ZNF451: variants seen among roughly 807,000 people sequenced by gnomAD.
ZNF451 encodes the protein zinc finger protein 451.
ZNF451 carries 80 observed loss-of-function variants against 107.1 expected under a neutral mutation model. The ratio of observed to expected loss-of-function variants is 0.75; its 90% CI spans 0.62 to 0.90. ZNF451 has a LOEUF of 0.90. ZNF451 is among the 40% of genes least tolerant of loss of function. ZNF451 has a pLI of 0.00. For synonymous variants in ZNF451, 362 were observed against 406.5 expected (o/e 0.89, Z 1.32); for missense variants, 1,107 against 1,236.2 (o/e 0.90, Z 1.57).
intron 3 of ZNF451, among the ~76,000 whole-genome samples, chr6:57,117,149 A>C (rs902764261): frequency 6.6e-6 from 1 of 152,154 alleles, no homozygotes; most frequent in Admixed American, 6.5e-5. Flanking sequence ...AGTGTCCTTT[A>C]TCTGAAATGC....
At chr6:57,104,611 A>T (rs1326837703) in intron 3 of ZNF451, 1 of 985,236 alleles carries the variant, frequency 1.0e-6, no homozygotes, top group South Asian at 4.7e-5. Context: ...GTTAAAAAAA[A>T]AGAAAAAAAA....
chr6:57,103,353 A>G, intron 3 of ZNF451: 1 of 985,416 alleles, frequency 1.0e-6, no homozygotes, highest in Non-Finnish European at 1.2e-6. Flanking sequence ...GATTTAAGTG[A>G]TACGCTCTTG....
At chr6:57,158,707 A>G (rs1445880594) in intron 13 of ZNF451, 1 of 985,334 alleles carries the variant, frequency 1.0e-6, no homozygotes, top group African/African-American at 1.7e-5. Context: ...TATTTGGGCC[A>G]GTATCTGCTC....
chr6:57,126,801 G>C (rs1830951149), intron 4 of ZNF451, among the ~76,000 whole-genome samples: 1 of 152,042 alleles, frequency 6.6e-6, no homozygotes, highest in African/African-American at 2.4e-5. Context: ...AAAAAGGGTG[G>C]CTAATTTTAG....
At chr6:57,149,369 A>T (rs1832239592) in intron 10 of ZNF451, among the ~76,000 whole-genome samples, 1 of 152,050 alleles carries the variant, frequency 6.6e-6, no homozygotes, top group Non-Finnish European at 1.5e-5. Flanking sequence ...TAGAAGTATA[A>T]TTTGTTTTTG....
intron 3 of ZNF451, chr6:57,101,149 G>A (rs1035635406): frequency 1.7e-5 from 27 of 1,550,594 alleles, no homozygotes; most frequent in Non-Finnish European, 2.3e-5. Flanking sequence ...ACCATCAGCT[G>A]ATGACAAAGG....
chr6:57,139,877 T>C (rs1028012372), intron 7 of ZNF451, among the ~76,000 whole-genome samples: 1 of 151,922 alleles, frequency 6.6e-6, no homozygotes, highest in East Asian at 1.9e-4. Flanking sequence ...ACCTTGCCTT[T>C]ACAAAAAATA....
chr6:57,150,466 AGTT>A, intron 10 of ZNF451: 1 of 322,410 alleles, frequency 3.1e-6, no homozygotes, highest in Non-Finnish European at 5.5e-6. Flanking sequence ...CAAGCTTTAG[AGTT>A]GTTGGAAGAA....
At chr6:57,103,952 ATTAC>A (rs1234806560) in intron 3 of ZNF451, 2 of 985,328 alleles carry the variant, frequency 2.0e-6, no homozygotes, top group Non-Finnish European at 2.4e-6. Flanking sequence ...CTTGGAAGAA[ATTAC>A]TTTATCAGTT....
chr6:57,152,362 G>A lies in ZNF451; in HGVS notation c.2883+11G>A, dbSNP rs769001019. 2.4e-5 allele frequency: 39 copies of A among 1,610,966 alleles called. No individual in the cohort carries two copies. In the East Asian group the frequency reaches 5.1e-4, roughly 21 times the overall value. On this transcript the variant is annotated intron_variant, in intron 12 of 14. Transcript: ENST00000370706. The stretch of plus-strand genomic sequence containing the variant: ...GCCATATGTATGCATGTGAGTCATT[G>A]TTTTATTCAAAATCTAATGTGAATC...
chr6:57,140,607 G>T (rs1321973105), intron 7 of ZNF451, among the ~76,000 whole-genome samples: 1 of 151,482 alleles, frequency 6.6e-6, no homozygotes, highest in Non-Finnish European at 1.5e-5. Flanking sequence ...TACCAGTAAG[G>T]ATATATATTC....
At chr6:57,113,256 G>A (rs1418712245) in intron 3 of ZNF451, among the ~76,000 whole-genome samples, 4 of 151,152 alleles carry the variant, frequency 2.6e-5, no homozygotes, top group African/African-American at 9.7e-5. Context: ...TTCTGTTCCT[G>A]TGTTAGTTCA....
At chr6:57,117,556 G>GT (rs1016160137) in intron 3 of ZNF451, among the ~76,000 whole-genome samples, 5 of 152,172 alleles carry the variant, frequency 3.3e-5, no homozygotes, top group Non-Finnish European at 7.4e-5. Flanking sequence ...AGTGTCGTGA[G>GT]TATGTTTTGA....
intron 14 of ZNF451, among the ~76,000 whole-genome samples, chr6:57,163,436 C>CT (rs398001706): frequency 0.016 from 485 of 30,276 alleles, 148 homozygotes; most frequent in Non-Finnish European, 0.021. Flanking sequence ...AATGAATAAA[C>CT]TTTTTTTTTT....
intron 2 of ZNF451, among the ~76,000 whole-genome samples, chr6:57,098,477 T>G (rs771683958): frequency 2.6e-4 from 39 of 152,198 alleles, no homozygotes; most frequent in Non-Finnish European, 5.3e-4. Flanking sequence ...TCCATACTCC[T>G]CTATGTGATT....
chr6:57,098,797 AT>A lies in ZNF451; in HGVS notation c.106-260del, dbSNP rs1225677744. 2.0e-5 allele frequency among the ~76,000 whole-genome samples: 3 copies of A among 152,074 alleles called. No individual in the cohort carries two copies. The East Asian group carries it at 5.8e-4, about 29-fold the overall frequency. On this transcript the variant is annotated intron_variant, in intron 2 of 14. Transcript: ENST00000370706. Reference sequence around the variant, plus strand: ...TCTTTGTAGCACTGTTCTTATATTAATTTTCCTTTCCCAAGTAATTGACATG... The same window carrying A: ...TCTTTGTAGCACTGTTCTTATATTAATTTCCTTTCCCAAGTAATTGACATG...
intron 2 of ZNF451, chr6:57,093,184 C>T (rs1242609304): frequency 6.6e-6 from 1 of 152,164 alleles, no homozygotes; most frequent in East Asian, 1.9e-4. Flanking sequence ...TGATAGTTCA[C>T]AGTGCTGTTC....
At chr6:57,116,652 A>G (rs1318839273) in intron 3 of ZNF451, 3 of 152,210 alleles carry the variant, frequency 2.0e-5, no homozygotes. Context: ...CCGTTTTCTC[A>G]GTTTTAAAGT....
chr6:57,159,179 C>T (rs1041081114), intron 13 of ZNF451: 3 of 985,278 alleles, frequency 3.0e-6, no homozygotes, highest in Non-Finnish European at 3.6e-6. Context: ...TTTCTCTGTT[C>T]TTCTGATGGG....
Sources: gnomAD v4.1 joint callset for allele counts (sites outside exome capture counted in the v4.1 genomes callset) on GRCh38, gnomAD v4.1.1 for gene constraint, MANE v1.5 for transcripts, NCBI Gene and HGNC (gene_info 2026-07-23, HGNC 2026-07-21) for gene names.